SHOX: variants seen among roughly 807,000 people sequenced by gnomAD.
The protein encoded by SHOX is SHOX homeobox.
A neutral mutation model predicts 29.6 loss-of-function variants in SHOX; 12 were observed. The observed-to-expected ratio is 0.41, with a 90% CI of 0.26 to 0.66. The LOEUF (loss-of-function observed/expected upper bound fraction) is 0.66. Among genes scored for constraint, SHOX ranks in the 30% least tolerant of loss-of-function variants. SHOX has a pLI of 0.35. For synonymous variants in SHOX, 214 were observed against 200.6 expected, an observed-to-expected ratio of 1.07 and a Z score of -0.57; for missense variants, 499 against 437.7, an observed-to-expected ratio of 1.14 and a Z score of -1.25.
At position 644,705 on chromosome X, in the gene SHOX, G is replaced by C. The variant is rs774575867; in HGVS notation, c.*69G>C. 3.7e-6 allele frequency: 5 copies of C among 1,356,486 alleles called. No homozygotes were observed. The highest frequency in any genetic ancestry group is 1.8e-5 in the South Asian group (1 of 55,530). The allele number at this position is 1,356,486 out of a possible 1,614,324, so 84.0% of individuals were successfully genotyped here. A position where few individuals can be genotyped will look rare whatever the true frequency, so the allele number is the denominator to read the frequency against. On this transcript the variant is annotated 3_prime_UTR_variant, in exon 5 of 5. Coordinates refer to ENST00000686671, the MANE Select transcript of SHOX (RefSeq NM_000451.4). Reference sequence around the variant, plus strand: ...GCACCCCGCCTGCACCGCGCGTCCTGCACTCAACCCCGCCTGGAGCTCCTT... The same window carrying C: ...GCACCCCGCCTGCACCGCGCGTCCTCCACTCAACCCCGCCTGGAGCTCCTT...
chrX:637,021 G>T (rs1393704978), intron 2 of SHOX, among the ~76,000 whole-genome samples: 1 of 149,432 alleles, frequency 6.7e-6, no homozygotes, highest in Admixed American at 6.8e-5. Context: ...ATTTTAAAAG[G>T]CTTCCCTAAG....
downstream of SHOX, among the ~76,000 whole-genome samples, chrX:655,602 CTCTCTCTCTCTCTATATATATA>C (rs1212573417): frequency 5.2e-3 from 223 of 43,284 alleles, no homozygotes; most frequent in East Asian, 9.8e-3. Flanking sequence ...CTCTCTCTCT[CTCTCTCTCTCTCTATATATATA>C]TATATATATA....
In SHOX at chrX:649,407, G is replaced by C. The variant is rs941146620; in HGVS notation, c.*4771G>C. Among the ~76,000 whole-genome samples the C allele has an allele frequency of 1.1e-4, 16 of 152,150 alleles. No homozygotes were observed. Among genetic ancestry groups the C allele is most frequent in the African/African-American group, 3.4e-4 (14 of 41,438 alleles). On this transcript the variant is annotated 3_prime_UTR_variant, in exon 5 of 5. Coordinates refer to ENST00000686671, the MANE Select transcript of SHOX (RefSeq NM_000451.4). ...GGGACCCTCTGTATGTGATGTGCGT[G>C]GGTTTGGTTTCCCGGAAGGCCCTCC...
At chrX:635,119 T>C (rs1181407047) in intron 2 of SHOX, among the ~76,000 whole-genome samples, 4 of 152,264 alleles carry the variant, frequency 2.6e-5, no homozygotes, top group Middle Eastern at 3.4e-3. Flanking sequence ...GTATATATTA[T>C]AGATATTTGT....
At position 651,378 on chromosome X, in the gene SHOX, G is replaced by A. The variant is rs184314413; in HGVS notation, c.*6742G>A. 3 of 453,502 alleles carry A rather than the reference G, an allele frequency of 6.6e-6. No individual in the cohort carries two copies. The highest frequency in any genetic ancestry group is 1.4e-4 in the East Asian group (2 of 14,320). The allele number at this position is 453,502 out of a possible 1,614,324, so 28.1% of individuals were successfully genotyped here. ...TATCCCTCTGTTATTGTCGGCAGGC[G>A]GTGAGGGGTAGAAAAAAAACAAACA... is the stretch of plus-strand genomic sequence containing the variant. On this transcript the variant is annotated 3_prime_UTR_variant, in exon 5 of 5. Coordinates refer to ENST00000686671, the MANE Select transcript of SHOX (RefSeq NM_000451.4).
At chrX:638,217 C>T (rs184876299) in intron 2 of SHOX, among the ~76,000 whole-genome samples, 1 of 152,228 alleles carries the variant, frequency 6.6e-6, no homozygotes, top group East Asian at 1.9e-4. Flanking sequence ...TTTATTAGCG[C>T]TTCACGCAGC....
At chrX:656,653 A>G (rs1162978901) in intron 5 of SHOX, among the ~76,000 whole-genome samples, 1 of 152,094 alleles carries the variant, frequency 6.6e-6, no homozygotes, top group Non-Finnish European at 1.5e-5. Flanking sequence ...CATCCTGGCT[A>G]ACACGGTGAA....
rs2053037008 is a variant in SHOX at position 650,417 on chromosome X, G to C, written c.*5781G>C. Reference sequence around the variant, plus strand: ...TGTTCTGGTCTTGCTGCTGTCCTTGGCCACGTCAGCACGTGGGAGCATCTG... The same window carrying C: ...TGTTCTGGTCTTGCTGCTGTCCTTGCCCACGTCAGCACGTGGGAGCATCTG... On this transcript the variant is annotated 3_prime_UTR_variant, in exon 5 of 5. Coordinates refer to ENST00000686671, the MANE Select transcript of SHOX (RefSeq NM_000451.4). 1.3e-5 allele frequency among the ~76,000 whole-genome samples: 2 copies of C among 152,076 alleles called. No homozygotes were observed. The highest frequency in any genetic ancestry group is 3.9e-4 in the East Asian group (2 of 5,172).
chrX:643,672 A>G (rs1234532079), intron 4 of SHOX, among the ~76,000 whole-genome samples: 10 of 53,732 alleles, frequency 1.9e-4, no homozygotes, highest in African/African-American at 3.5e-4. Flanking sequence ...GTGTCTCGGG[A>G]GAGAGCCTTG....
exon 1 of SHOX, chrX:624,346 C>T (rs1471652939): frequency 6.6e-6 from 1 of 150,924 alleles, no homozygotes; most frequent in South Asian, 2.1e-4. Context: ...CCTGCGGCCG[C>T]CTGCTTTTGC....
In SHOX at chrX:658,798, CT is replaced by C. The variant is rs1327670064; in HGVS notation, c.649del (p.Cys217ValfsTer7). 1 of 357,508 alleles carries C rather than the reference CT, an allele frequency of 2.8e-6. No individual in the cohort carries two copies. The highest frequency in any genetic ancestry group is 5.4e-6 in the Non-Finnish European group (1 of 184,868). The allele number at this position is 357,508 out of a possible 1,614,324, so 22.1% of individuals were successfully genotyped here. ...TTTTTTTTTTAGATGGAGTTTTGCT[CT>C]TGTCGCCCGGGCTGGAGTATAATGG... is the stretch of plus-strand genomic sequence containing the variant. On this transcript the variant is annotated frameshift_variant, in exon 6 of 6. Coordinates refer to the SHOX transcript ENST00000334060. LOFTEE classifies it high-confidence loss of function.
chrX:642,900 G>A (rs1379087045), intron 4 of SHOX, among the ~76,000 whole-genome samples: 1 of 151,708 alleles, frequency 6.6e-6, no homozygotes, highest in Non-Finnish European at 1.5e-5. Flanking sequence ...TTGGGGACCT[G>A]GTGTCCCTGG....
chrX:659,189 A>C (rs1457025188), exon 6 of SHOX: 1 of 151,208 alleles, frequency 6.6e-6, no homozygotes, highest in Non-Finnish European at 1.5e-5. Context: ...GGGCTCAAGC[A>C]ATCCTCCCAC....
downstream of SHOX, among the ~76,000 whole-genome samples, chrX:655,560 C>G (rs1042028251): frequency 1.1e-5 from 1 of 94,464 alleles, no homozygotes; most frequent in Non-Finnish European, 2.1e-5. Context: ...AAAAAGGACT[C>G]TCTCTCTGTC....
intron 2 of SHOX, 113 bp downstream of exon 2, chrX:634,939 C>G: frequency 8.5e-7 from 1 of 1,177,324 alleles, no homozygotes; most frequent in Non-Finnish European, 1.2e-6. Flanking sequence ...CTTCCCGGAG[C>G]GCGGGGAGGT....
intron 4 of SHOX, among the ~76,000 whole-genome samples, chrX:644,055 G>A (rs955235822): frequency 4.6e-5 from 7 of 151,852 alleles, no homozygotes; most frequent in Non-Finnish European, 8.8e-5. Context: ...GGTTGGGGGA[G>A]AGAACGTTGT....
intron 4 of SHOX, among the ~76,000 whole-genome samples, chrX:642,300 T>TG (rs374805625): frequency 0.023 from 3,092 of 134,250 alleles, 83 homozygotes; most frequent in African/African-American, 0.067. Flanking sequence ...GGAACGGGCT[T>TG]GGGGGGGGGG....
At chrX:625,084 T>TCCCTCCCTCCTTCTCTCCCC (rs2052496256) in intron 1 of SHOX, among the ~76,000 whole-genome samples, 1 of 100,962 alleles carries the variant, frequency 9.9e-6, no homozygotes, top group Admixed American at 1.4e-4. Flanking sequence ...CTTCTCTCCC[T>TCCCTCCCTCCTTCTCTCCCC]CCCTCCCTCC....
In SHOX at chrX:624,901, TC is replaced by T. The variant is rs2052484819; in HGVS notation, c.-433+300del. 1.2e-4 allele frequency among the ~76,000 whole-genome samples: 7 copies of T among 56,954 alleles called. No homozygotes were observed. The South Asian group carries it at 2.2e-3, about 18-fold the overall frequency. The allele number at this position is 56,954 out of a possible 152,430, so 37.4% of individuals were successfully genotyped here. ...TTCTTTCTTTCTTTCTTTCTTTCTT[TC>T]TCTCTTCCTTTCTTTCTTTCTTTCT... On this transcript the variant is annotated intron_variant, in intron 1 of 5. Transcript: ENST00000334060.
Sources: gnomAD v4.1 joint callset for allele counts (sites outside exome capture counted in the v4.1 genomes callset) on GRCh38, gnomAD v4.1.1 for gene constraint, MANE v1.5 for transcripts, NCBI Gene and HGNC (gene_info 2026-07-23, HGNC 2026-07-21) for gene names.